Variants in GRID1 observed in about 807,000 individuals in gnomAD.
GRID1 encodes glutamate ionotropic receptor delta type subunit 1.
In GRID1, 28 loss-of-function variants were observed where a neutral mutation model predicts 98.0. The ratio of observed to expected loss-of-function variants is 0.29; its 90% confidence interval spans 0.21 to 0.39. GRID1 has a LOEUF of 0.39. GRID1 is among the 10% of genes least tolerant of loss of function. The pLI, the probability that GRID1 is intolerant of heterozygous loss-of-function variation, is 1.00. For missense variants in GRID1, 1,111 were observed against 1,340.5 expected, an observed-to-expected ratio of 0.83 and a Z score of 2.67; for synonymous variants, 553 against 538.5, an observed-to-expected ratio of 1.03 and a Z score of -0.37.
intron 8 of GRID1, among the ~76,000 whole-genome samples, chr10:85,833,954 T>C (rs1299477748): frequency 2.6e-5 from 4 of 152,042 alleles, no homozygotes; most frequent in Non-Finnish European, 5.9e-5. Flanking sequence ...AACAGATTGA[T>C]AAAGAAATGA....
intron 3 of GRID1, among the ~76,000 whole-genome samples, chr10:86,165,520 G>A (rs1845386431): frequency 6.6e-6 from 1 of 152,212 alleles, no homozygotes; most frequent in Admixed American, 6.5e-5. Context: ...CCAGGGCTGA[G>A]GGCCCACCCC....
At chr10:86,123,082 T>C (rs1488366627) in intron 4 of GRID1, among the ~76,000 whole-genome samples, 1 of 152,218 alleles carries the variant, frequency 6.6e-6, no homozygotes, top group Non-Finnish European at 1.5e-5. Flanking sequence ...AGTCATGTCA[T>C]GATTTTGGTT....
intron 3 of GRID1, among the ~76,000 whole-genome samples, chr10:86,187,591 G>C (rs1185303956): frequency 1.3e-5 from 2 of 152,348 alleles, no homozygotes; most frequent in African/African-American, 4.8e-5. Flanking sequence ...AGAGGCTGGG[G>C]AGCCCCAGGA....
At chr10:86,230,842 T>C (rs1343889779) in intron 2 of GRID1, among the ~76,000 whole-genome samples, 2 of 152,108 alleles carry the variant, frequency 1.3e-5, no homozygotes, top group African/African-American at 2.4e-5. Flanking sequence ...GTCCAACCCA[T>C]CTATCCATCT....
At chr10:85,966,590 G>T (rs529379346) in intron 4 of GRID1, among the ~76,000 whole-genome samples, 1 of 152,086 alleles carries the variant, frequency 6.6e-6, no homozygotes, top group Admixed American at 6.5e-5. Flanking sequence ...GAGGTGGGTG[G>T]ATCACCTGAG....
chr10:86,047,946 GA>G (rs2131903443), intron 4 of GRID1, among the ~76,000 whole-genome samples: 1 of 152,260 alleles, frequency 6.6e-6, no homozygotes, highest in East Asian at 1.9e-4. Context: ...TTCCCAGGAG[GA>G]AAATAACGGT....
In GRID1 at chr10:85,747,161, T is replaced by C. The variant is rs544980632; in HGVS notation, c.1234-17547A>G. On this transcript the variant is annotated intron_variant, in intron 8 of 15. Coordinates refer to ENST00000327946, the MANE Select transcript of GRID1 (RefSeq NM_017551.3). ...GGTTAGGTGATTTGTGTCAATTAAA[T>C]AATCCAGAGAGCCTGTAAACTCAGA... Among the ~76,000 whole-genome samples the C allele has an allele frequency of 7.2e-5, 11 of 152,266 alleles. No homozygotes were observed. In the South Asian group the frequency reaches 2.3e-3, roughly 32 times the overall value.
At position 85,602,212 on chromosome 10, in the gene GRID1, G is replaced by T. The variant is rs1008877473; in HGVS notation, c.*61C>A. On this transcript the variant is annotated 3_prime_UTR_variant, in exon 16 of 16. Coordinates refer to ENST00000327946, the MANE Select transcript of GRID1 (RefSeq NM_017551.3). ...GTGTGGTTTGTGTTGTTGTTTTCTT[G>T]TATTAAAAAGCTCTGCTGGTCGGGT... 7 of 964,244 alleles carry T rather than the reference G, an allele frequency of 7.3e-6. No homozygotes were observed. Among genetic ancestry groups the T allele is most frequent in the Non-Finnish European group, 1.0e-5 (7 of 692,162 alleles). The allele number at this position is 964,244 out of a possible 1,614,324, so 59.7% of individuals were successfully genotyped here.
chr10:85,957,226 C>T (rs1589313185), intron 4 of GRID1, among the ~76,000 whole-genome samples: 1 of 152,294 alleles, frequency 6.6e-6, no homozygotes, highest in African/African-American at 2.4e-5. Context: ...CAGAGCCAGA[C>T]CATATCACAC....
intron 4 of GRID1, among the ~76,000 whole-genome samples, chr10:86,070,760 T>C (rs1370978883): frequency 6.6e-6 from 1 of 152,208 alleles, no homozygotes; most frequent in African/African-American, 2.4e-5. Flanking sequence ...AAACATTCAT[T>C]GACTATTCCA....
chr10:85,646,903 G>A (rs906827917), intron 13 of GRID1: 16 of 405,030 alleles, frequency 4.0e-5, no homozygotes, highest in South Asian at 2.3e-4. Context: ...TTCTCACCTC[G>A]GGTGGACAGG....
chr10:86,229,907 C>G (rs925942439), intron 2 of GRID1, among the ~76,000 whole-genome samples: 1 of 152,210 alleles, frequency 6.6e-6, no homozygotes, highest in Non-Finnish European at 1.5e-5. Context: ...GTCCTGTCCT[C>G]AGGCAGTCAC....
At chr10:86,248,234 C>A (rs1194331236) in intron 2 of GRID1, among the ~76,000 whole-genome samples, 2 of 152,180 alleles carry the variant, frequency 1.3e-5, no homozygotes, top group Non-Finnish European at 1.5e-5. Context: ...CGGGAGTCAC[C>A]TTCACCCACC....
intron 8 of GRID1, among the ~76,000 whole-genome samples, chr10:85,843,566 T>A (rs997263220): frequency 2.6e-5 from 4 of 151,968 alleles, no homozygotes; most frequent in African/African-American, 9.7e-5. Context: ...CTAGAATATA[T>A]AAAGAATTCT....
intron 13 of GRID1, among the ~76,000 whole-genome samples, chr10:85,621,385 T>C (rs1442541393): frequency 2.0e-5 from 3 of 152,202 alleles, no homozygotes; most frequent in Non-Finnish European, 4.4e-5. Flanking sequence ...TTTGTTCAGT[T>C]GAGTCTTCAT....
At chr10:85,948,735 G>C (rs1011548685) in intron 4 of GRID1, among the ~76,000 whole-genome samples, 1 of 152,042 alleles carries the variant, frequency 6.6e-6, no homozygotes, top group African/African-American at 2.4e-5. Flanking sequence ...CTTAATACCA[G>C]CTTATAATTG....
chr10:85,608,639 G>A (rs1842699401), intron 15 of GRID1, among the ~76,000 whole-genome samples: 2 of 152,248 alleles, frequency 1.3e-5, no homozygotes, highest in Middle Eastern at 3.4e-3. Flanking sequence ...CAGAGAGAAG[G>A]CACATTGATG....
At chr10:86,083,363 G>A (rs1178847771) in intron 4 of GRID1, among the ~76,000 whole-genome samples, 4 of 152,154 alleles carry the variant, frequency 2.6e-5, no homozygotes, top group African/African-American at 9.7e-5. Context: ...GCCCAGCGTG[G>A]TGTCGCTCAT....
chr10:85,684,494 T>C (rs1841246655), intron 12 of GRID1, among the ~76,000 whole-genome samples: 2 of 152,174 alleles, frequency 1.3e-5, no homozygotes, highest in South Asian at 2.1e-4. Context: ...ACTATAATCA[T>C]CTTCACAGAT....
Sources: gnomAD v4.1 joint callset for allele counts (sites outside exome capture counted in the v4.1 genomes callset) on GRCh38, gnomAD v4.1.1 for gene constraint, MANE v1.5 for transcripts, NCBI Gene and HGNC (gene_info 2026-07-23, HGNC 2026-07-21) for gene names.